DIP2C: variants seen among roughly 807,000 people sequenced by gnomAD.
DIP2C encodes the protein disco-interacting protein 2 homolog C.
Under a neutral mutation model 192.4 loss-of-function variants are expected in DIP2C, and 33 were observed. The ratio of observed to expected loss-of-function variants is 0.17; its 90% confidence interval spans 0.13 to 0.23. The LOEUF (loss-of-function observed/expected upper bound fraction) is 0.23, where lower values mean the gene tolerates loss of function less well. Ranked by LOEUF, DIP2C falls within the 10% of genes least tolerant of loss-of-function variation. DIP2C has a pLI of 1.00. For synonymous variants in DIP2C, 979 were observed against 864.1 expected, an observed-to-expected ratio of 1.13 and a Z score of -2.33; for missense variants, 1,537 against 2,110.1, an observed-to-expected ratio of 0.73 and a Z score of 5.32.
Position 384,599 on chromosome 10 carries a change from G to A in DIP2C, c.1703C>T (p.Ser568Leu). The A allele has an allele frequency of 2.5e-6, 4 of 1,613,984 alleles. No individual in the cohort carries two copies. The highest frequency in any genetic ancestry group is 1.7e-6 in the Non-Finnish European group (2 of 1,180,024). The change falls in exon 15 of 37, where the codon TCG becomes TTG. Residue 568 changes from serine (S) to leucine (L), a missense_variant. Coordinates refer to ENST00000280886, the MANE Select transcript of DIP2C (RefSeq NM_014974.3). ...GGAGAGAGGGTTCACCTTCATCAGCGAGTACGGGATGCTGATCACATGCAT... is the reference window on the plus strand; with the variant it reads ...GGAGAGAGGGTTCACCTTCATCAGCAAGTACGGGATGCTGATCACATGCAT... ...NMMHVISIPYSLMKVNPLSWI... is the reference protein window; with the variant it reads ...NMMHVISIPYLLMKVNPLSWI...
At chr10:409,080 A>C (rs1266774162) in intron 8 of DIP2C, 63 bp from the exon 9 acceptor site, 23 of 1,559,406 alleles carry the variant, frequency 1.5e-5, no homozygotes, top group Non-Finnish European at 2.0e-5. Flanking sequence ...AGCTTCTGCA[A>C]GTCAAAGTCT....
intron 2 of DIP2C, chr10:484,879 C>T (rs756283706): frequency 1.5e-5 from 24 of 1,611,764 alleles, no homozygotes; most frequent in Middle Eastern, 3.3e-4. Flanking sequence ...GTGGGCAGAG[C>T]GGAATGTTCT....
intron 6 of DIP2C, 31 bp from the exon 7 acceptor site, chr10:415,919 G>A (rs1965598135): frequency 1.9e-6 from 3 of 1,613,120 alleles, no homozygotes; most frequent in African/African-American, 2.7e-5. Flanking sequence ...GGTGGGGAAA[G>A]CGATCATCAC....
chr10:574,621 G>C (rs1268242120), intron 1 of DIP2C, among the ~76,000 whole-genome samples: 5 of 152,192 alleles, frequency 3.3e-5, no homozygotes, highest in African/African-American at 1.2e-4. Flanking sequence ...ATACTCAAGA[G>C]ACCCTGATTC....
At chr10:555,749 G>C (rs758677803) in intron 1 of DIP2C, among the ~76,000 whole-genome samples, 1 of 152,100 alleles carries the variant, frequency 6.6e-6, no homozygotes, top group Non-Finnish European at 1.5e-5. Flanking sequence ...AATCTATAGA[G>C]GAAGGACTAG....
chr10:519,099 C>T (rs866474131), intron 1 of DIP2C, among the ~76,000 whole-genome samples: 1 of 152,196 alleles, frequency 6.6e-6, no homozygotes, highest in Non-Finnish European at 1.5e-5. Flanking sequence ...CAAGGGCTTC[C>T]GATCCAGCCA....
chr10:687,665 G>A (rs1183982209), intron 1 of DIP2C, among the ~76,000 whole-genome samples: 4 of 152,166 alleles, frequency 2.6e-5, no homozygotes, highest in Non-Finnish European at 4.4e-5. Context: ...GCACACCTTC[G>A]TCGAAAGTGG....
At chr10:624,284 AG>A in intron 1 of DIP2C, among the ~76,000 whole-genome samples, 1 of 152,306 alleles carries the variant, frequency 6.6e-6, no homozygotes, top group Middle Eastern at 3.4e-3. Flanking sequence ...GTGGGACCAA[AG>A]CCGGACCTGC....
chr10:305,993 A>ATATATATG lies in DIP2C; in HGVS notation c.3986+4037_3986+4038insCATATATA, dbSNP rs958069491. 8.4e-4 allele frequency among the ~76,000 whole-genome samples: 120 copies of ATATATATG among 142,770 alleles called. 1 individual carries two copies. Among genetic ancestry groups the ATATATATG allele is most frequent in the African/African-American group, 2.9e-3 (111 of 38,618 alleles). The allele number at this position is 142,770 out of a possible 152,430, so 93.7% of individuals were successfully genotyped here. A position where few individuals can be genotyped will look rare whatever the true frequency, so the allele number is the denominator to read the frequency against. On this transcript the variant is annotated intron_variant, in intron 32 of 36. Coordinates refer to ENST00000280886, the MANE Select transcript of DIP2C (RefSeq NM_014974.3). The stretch of plus-strand genomic sequence containing the variant: ...GACAAATATATATATATATATATAT[A>ATATATATG]TTATATTTTTTTCCTATCTAAAGTC...
At chr10:490,733 T>C (rs1453948370) in intron 1 of DIP2C, among the ~76,000 whole-genome samples, 2 of 152,226 alleles carry the variant, frequency 1.3e-5, no homozygotes, top group African/African-American at 4.8e-5. Context: ...ATAAGTGATC[T>C]CTTTAGAAAC....
chr10:307,890 C>T lies in DIP2C; in HGVS notation c.3986+2141G>A, dbSNP rs577089695. ...GGTTCAGGGGTGCCTGGGCGGGGCC[C>T]GGCACACGGTCCCTCTGGAGGGCAG... On this transcript the variant is annotated intron_variant, in intron 32 of 36. Transcript: ENST00000280886. Among the ~76,000 whole-genome samples, 8 of 150,692 alleles carry T rather than the reference C, an allele frequency of 5.3e-5. No individual in the cohort carries two copies. The East Asian group carries it at 1.0e-3, about 19-fold the overall frequency.
In DIP2C at chr10:494,537, G is replaced by A. The variant is rs558809699; in HGVS notation, c.86-8007C>T. Among the ~76,000 whole-genome samples, 13 of 152,032 alleles carry A rather than the reference G, an allele frequency of 8.6e-5. No individual in the cohort carries two copies. In the South Asian group the frequency reaches 2.7e-3, roughly 32 times the overall value. On this transcript the variant is annotated intron_variant, in intron 1 of 36. Coordinates refer to ENST00000280886, the MANE Select transcript of DIP2C (RefSeq NM_014974.3). ...TGCCTTTTTAAGTCAAAGCTACCAA[G>A]AGTCAAAGCAATCCAAGAGGCTGCT...
At chr10:578,266 G>C (rs560768802) in intron 1 of DIP2C, among the ~76,000 whole-genome samples, 1 of 152,266 alleles carries the variant, frequency 6.6e-6, no homozygotes, top group South Asian at 2.1e-4. Context: ...AACACTAGGA[G>C]GGATTTTGCT....
intron 17 of DIP2C, among the ~76,000 whole-genome samples, chr10:374,192 C>A (rs1319978047): frequency 6.6e-6 from 1 of 152,148 alleles, no homozygotes; most frequent in Non-Finnish European, 1.5e-5. Context: ...AATATAAGAT[C>A]ATATATTTTC....
chr10:640,419 G>C (rs1855105602), intron 1 of DIP2C, among the ~76,000 whole-genome samples: 1 of 152,240 alleles, frequency 6.6e-6, no homozygotes, highest in Non-Finnish European at 1.5e-5. Flanking sequence ...TGGGTCGCCA[G>C]AGCTGGGGAA....
At chr10:526,518 G>C (rs1847061420) in intron 1 of DIP2C, among the ~76,000 whole-genome samples, 1 of 100,424 alleles carries the variant, frequency 1.0e-5, no homozygotes, top group South Asian at 4.7e-4. Context: ...TCACACACCA[G>C]CCCTACCCCA....
At chr10:673,489 A>T (rs926227356) in intron 1 of DIP2C, among the ~76,000 whole-genome samples, 3 of 152,184 alleles carry the variant, frequency 2.0e-5, no homozygotes, top group Non-Finnish European at 4.4e-5. Context: ...TTCATCCCAC[A>T]TCACCTTTCA....
Position 362,477 on chromosome 10 carries a change from G to A in DIP2C, c.2794+13C>T, listed in dbSNP as rs1564615673. 5 of 1,612,656 alleles carry A rather than the reference G, an allele frequency of 3.1e-6. No homozygotes were observed. Among genetic ancestry groups the A allele is most frequent in the East Asian group, 4.5e-5 (2 of 44,880 alleles). On this transcript the variant is annotated intron_variant, in intron 22 of 36. Coordinates refer to ENST00000280886, the MANE Select transcript of DIP2C (RefSeq NM_014974.3). ...CTCCCGCACCTCACAAGCTGCCCAA[G>A]TGGTGCACATACCTGGCTGCTTCTG...
intron 17 of DIP2C, among the ~76,000 whole-genome samples, chr10:381,392 C>T (rs1271767248): frequency 6.6e-6 from 1 of 152,194 alleles, no homozygotes; most frequent in African/African-American, 2.4e-5. Flanking sequence ...ACCTGGAATG[C>T]TAAAATTGTA....
Sources: gnomAD v4.1 joint callset for allele counts (sites outside exome capture counted in the v4.1 genomes callset) on GRCh38, gnomAD v4.1.1 for gene constraint, MANE v1.5 for transcripts, NCBI Gene and HGNC (gene_info 2026-07-23, HGNC 2026-07-21) for gene names.